Variants in DLGAP1 observed in about 807,000 individuals in gnomAD.
DLGAP1 encodes disks large-associated protein 1.
Under a neutral mutation model 90.8 loss-of-function variants are expected in DLGAP1, and 11 were observed. The ratio of observed to expected loss-of-function variants is 0.12; its 90% CI spans 0.08 to 0.20. The LOEUF (loss-of-function observed/expected upper bound fraction) is 0.20, where lower values mean the gene tolerates loss of function less well. DLGAP1 is among the 10% of genes least tolerant of loss of function. DLGAP1 has a pLI of 1.00. For synonymous variants in DLGAP1, 558 were observed against 540.7 expected (o/e 1.03, Z -0.44); for missense variants, 1,050 against 1,333.8 (o/e 0.79, Z 3.31).
At chr18:3,612,293 T>C (rs1019423223) in intron 7 of DLGAP1, among the ~76,000 whole-genome samples, 15 of 152,138 alleles carry the variant, frequency 9.9e-5, no homozygotes, top group African/African-American at 2.7e-4. Context: ...TTTTATTGTC[T>C]AAAATGAGGA....
intron 1 of DLGAP1, among the ~76,000 whole-genome samples, chr18:4,265,136 C>CTTCCTTCCTTCCT (rs1476655160): frequency 1.5e-5 from 2 of 129,466 alleles, no homozygotes; most frequent in African/African-American, 6.9e-5. Context: ...CCTTCCTTTC[C>CTTCCTTCCTTCCT]TCCCTCCCTC....
intron 2 of DLGAP1, among the ~76,000 whole-genome samples, chr18:4,011,547 T>A (rs2074422206): frequency 6.6e-6 from 1 of 152,114 alleles, no homozygotes; most frequent in Non-Finnish European, 1.5e-5. Context: ...CTGGGCATGG[T>A]GGCTCATGTC....
At position 4,335,516 on chromosome 18, in the gene DLGAP1, C is replaced by T. The variant is rs117072714; in HGVS notation, c.-267+119490G>A. ...TCAGGACTTGAATTTTTAGGTTGAC[C>T]GGTCATTGAAAATGCAGATTACTTT... is the stretch of plus-strand genomic sequence containing the variant. On this transcript the variant is annotated intron_variant, in intron 1 of 12. Coordinates refer to ENST00000315677, the MANE Select transcript of DLGAP1 (RefSeq NM_004746.4). 5.3e-5 allele frequency among the ~76,000 whole-genome samples: 8 copies of T among 150,956 alleles called. No individual in the cohort carries two copies. In the South Asian group the frequency reaches 8.3e-4, roughly 16 times the overall value.
rs527358511 is a variant in DLGAP1 at position 4,247,731 on chromosome 18, C to T, written c.-266-96444G>A. On this transcript the variant is annotated intron_variant, in intron 1 of 12. Coordinates refer to ENST00000315677, the MANE Select transcript of DLGAP1 (RefSeq NM_004746.4). ...GATGGAGGTTGCAGTGAGCCCATAT[C>T]GCACCACTGCACTCCAGCCCGGGTG... Among the ~76,000 whole-genome samples, 172 of 152,018 alleles carry T rather than the reference C, an allele frequency of 1.1e-3. 3 individuals carry two copies. The highest frequency in any genetic ancestry group is 3.4e-3 in the Middle Eastern group (1 of 294).
At chr18:3,973,437 T>C (rs1194698466) in intron 3 of DLGAP1, among the ~76,000 whole-genome samples, 1 of 152,216 alleles carries the variant, frequency 6.6e-6, no homozygotes, top group East Asian at 1.9e-4. Context: ...GTCACCTTTG[T>C]GCTCCTGTTA....
intron 7 of DLGAP1, among the ~76,000 whole-genome samples, chr18:3,697,332 T>G (rs956173187): frequency 6.6e-6 from 1 of 152,234 alleles, no homozygotes; most frequent in Admixed American, 6.5e-5. Context: ...CATTTAGTGC[T>G]ATAAATTTCC....
rs2072183903 is a variant in DLGAP1, at chr18:3,917,954, C to T, written c.-72-37814G>A. Among the ~76,000 whole-genome samples the T allele has an allele frequency of 3.9e-5, 6 of 152,064 alleles. No individual in the cohort carries two copies. The South Asian group carries it at 1.2e-3, about 31-fold the overall frequency. ...TAGAAAGGAGATAAAGAAAAGGAAA[C>T]CAGGTTCAAGGAGCCGCTGTACCCC... is the stretch of plus-strand genomic sequence containing the variant. On this transcript the variant is annotated intron_variant, in intron 3 of 12. Coordinates refer to ENST00000315677, the MANE Select transcript of DLGAP1 (RefSeq NM_004746.4).
intron 1 of DLGAP1, among the ~76,000 whole-genome samples, chr18:4,190,872 T>C (rs1292380066): frequency 2.0e-5 from 3 of 152,112 alleles, no homozygotes; most frequent in African/African-American, 7.2e-5. Context: ...TTAAATATTT[T>C]TCCAGAAATA....
Position 3,635,183 on chromosome 18 carries a change from T to C in DLGAP1, c.1592-52935A>G, listed in dbSNP as rs547485390. Among the ~76,000 whole-genome samples, 330 of 150,404 alleles carry C rather than the reference T, an allele frequency of 2.2e-3. 1 individual carries two copies. The highest frequency in any genetic ancestry group is 3.8e-3 in the Non-Finnish European group (258 of 67,734). ...TCTCGCTCTTTCACCCAGGCTGGAG[T>C]GCAGTGGCGGGATCTCGGCTCACTG... On this transcript the variant is annotated intron_variant, in intron 7 of 12. Coordinates refer to ENST00000315677, the MANE Select transcript of DLGAP1 (RefSeq NM_004746.4).
chr18:3,555,881 T>C (rs1005297943), intron 9 of DLGAP1, among the ~76,000 whole-genome samples: 14 of 152,044 alleles, frequency 9.2e-5, no homozygotes, highest in African/African-American at 3.4e-4. Flanking sequence ...GCAGGAGAAA[T>C]GTTTGAAGTA....
chr18:3,750,504 C>T lies in DLGAP1; in HGVS notation c.1173-7992G>A, dbSNP rs560762533. On this transcript the variant is annotated intron_variant, in intron 5 of 12. Transcript: ENST00000315677. Reference sequence around the variant, plus strand: ...CTACCTGGTAGTGGGATTGCTGGGTCGAATGGTAGTTCCATATTCAGTTCT... The same window carrying T: ...CTACCTGGTAGTGGGATTGCTGGGTTGAATGGTAGTTCCATATTCAGTTCT... Among the ~76,000 whole-genome samples the T allele has an allele frequency of 3.9e-5, 6 of 152,216 alleles. No homozygotes were observed. In the South Asian group the frequency reaches 1.0e-3, roughly 26 times the overall value.
chr18:3,885,521 T>G (rs1348885633), intron 3 of DLGAP1: 1 of 152,222 alleles, frequency 6.6e-6, no homozygotes, highest in Admixed American at 6.5e-5. Context: ...AAAAAGAGGA[T>G]GCTAGCCTCT....
intron 1 of DLGAP1, among the ~76,000 whole-genome samples, chr18:4,278,800 G>A (rs1053321102): frequency 6.6e-6 from 1 of 151,984 alleles, no homozygotes; most frequent in African/African-American, 2.4e-5. Context: ...CACTTAGACT[G>A]ATACCGTATC....
intron 1 of DLGAP1, among the ~76,000 whole-genome samples, chr18:4,398,865 C>G (rs2082493287): frequency 6.6e-6 from 1 of 152,174 alleles, no homozygotes. Context: ...CAGTGTCTCA[C>G]TCTGTCGCCA....
chr18:4,440,666 T>C lies in DLGAP1; in HGVS notation c.-267+14340A>G, dbSNP rs537034993. On this transcript the variant is annotated intron_variant, in intron 1 of 12. Transcript: ENST00000315677. ...AGAAAGATATAAGCCATTTCACTTA[T>C]AAAATGTGTCATCTGTGTGACAGCT... Among the ~76,000 whole-genome samples the C allele has an allele frequency of 2.0e-5, 3 of 152,240 alleles. No homozygotes were observed. In the East Asian group the frequency reaches 5.8e-4, roughly 29 times the overall value.
At chr18:3,719,577 AAG>A (rs2061901755) in intron 7 of DLGAP1, among the ~76,000 whole-genome samples, 1 of 150,850 alleles carries the variant, frequency 6.6e-6, no homozygotes, top group Non-Finnish European at 1.5e-5. Flanking sequence ...AAAAAAAAAA[AAG>A]AAAGAAAGAA....
In DLGAP1 at chr18:4,030,620, A is replaced by G. The variant is rs973911522; in HGVS notation, c.-158-25419T>C. On this transcript the variant is annotated intron_variant, in intron 2 of 12. Transcript: ENST00000315677. ...TTGGAAGGTGGTAAATGAAATTGCT[A>G]TGTAAACTGTATGCTTTTGGCTGGG... Among the ~76,000 whole-genome samples, 6 of 152,304 alleles carry G rather than the reference A, an allele frequency of 3.9e-5. 1 individual carries two copies. Among genetic ancestry groups the G allele is most frequent in the Admixed American group, 3.9e-4 (6 of 15,298 alleles).
chr18:3,581,664 G>GGA (rs1555687790), intron 8 of DLGAP1, among the ~76,000 whole-genome samples: 2 of 142,078 alleles, frequency 1.4e-5, no homozygotes, highest in African/African-American at 2.6e-5. Context: ...TTCTCACCAT[G>GGA]AAAAAAAAAA....
intron 4 of DLGAP1, among the ~76,000 whole-genome samples, chr18:3,855,622 T>TTA (rs2069593903): frequency 6.6e-6 from 1 of 151,842 alleles, no homozygotes; most frequent in African/African-American, 2.4e-5. Context: ...TTAATTAATT[T>TTA]ATTTATTTTG....
Sources: allele counts gnomAD v4.1 joint callset (sites outside exome capture counted in the v4.1 genomes callset), GRCh38; gene constraint gnomAD v4.1.1; transcripts MANE v1.5; gene names NCBI Gene and HGNC (gene_info 2026-07-23, HGNC 2026-07-21).